The following IFFO1 variants were observed in gnomAD, a reference collection of about 807,000 sequenced individuals.
IFFO1 encodes intermediate filament family orphan 1, also known as non-homologous end joining factor IFFO1.
Under a neutral mutation model 59.6 loss-of-function variants are expected in IFFO1, and 42 were observed. The ratio of observed to expected loss-of-function variants is 0.70; its 90% CI spans 0.55 to 0.91. The LOEUF (loss-of-function observed/expected upper bound fraction) is 0.91, where lower values mean the gene tolerates loss of function less well. Ranked by LOEUF, IFFO1 falls within the 40% of genes least tolerant of loss-of-function variation. The probability of loss-of-function intolerance (pLI) is 0.00; values close to 1 mark genes in which losing one functional copy is unlikely to be tolerated. For synonymous variants in IFFO1, 336 were observed against 342.8 expected, an observed-to-expected ratio of 0.98 and a Z score of 0.22; for missense variants, 711 against 793.2, an observed-to-expected ratio of 0.90 and a Z score of 1.24.
At chr12:6,544,512 C>T (rs1333010528) in intron 8 of IFFO1, among the ~76,000 whole-genome samples, 11 of 152,164 alleles carry the variant, frequency 7.2e-5, no homozygotes, top group Admixed American at 4.6e-4. Flanking sequence ...ATATTATTTT[C>T]GTTCTTTCAG....
Position 6,549,027 on chromosome 12 carries a change from C to A in IFFO1, c.1081-178G>T. 3 of 617,362 alleles carry A rather than the reference C, an allele frequency of 4.9e-6. No individual in the cohort carries two copies. The highest frequency in any genetic ancestry group is 1.9e-5 in the African/African-American group (1 of 54,018). The allele number at this position is 617,362 out of a possible 1,614,324, so 38.2% of individuals were successfully genotyped here. A position where few individuals can be genotyped will look rare whatever the true frequency, so the allele number is the denominator to read the frequency against. ...CAGTCACCAAGGGCCAGACACACAG[C>A]GGGGGTCAGGGCTGCAAACCGAGAA... On this transcript the variant is annotated intron_variant, in intron 5 of 9. Transcript: ENST00000619571. This position sits in a 1 kb window ranked among gnomAD's most constrained non-coding sequence, Gnocchi z 5.0.
At position 6,541,693 on chromosome 12, in the gene IFFO1, G is replaced by A. The variant is rs778596743; in HGVS notation, c.1480-51C>T. ...GGGGTTAACAGGTGGCGTTCACAGC[G>A]CCTCTGTTGCCCCCGCCAGGAGGCC... On this transcript the variant is annotated intron_variant, in intron 8 of 9. Coordinates refer to ENST00000619571, the MANE Select transcript of IFFO1 (RefSeq NM_001193457.2). This position sits in a 1 kb window ranked among gnomAD's most constrained non-coding sequence, Gnocchi z 4.8. The A allele has an allele frequency of 4.3e-5, 69 of 1,607,340 alleles. 1 individual carries two copies. The highest frequency in any genetic ancestry group is 3.1e-4 in the South Asian group (28 of 90,904).
At chr12:6,546,340 C>A (rs191272058) in intron 8 of IFFO1, among the ~76,000 whole-genome samples, 12 of 152,312 alleles carry the variant, frequency 7.9e-5, no homozygotes, top group Admixed American at 2.6e-4. Context: ...GAGGCTGAGA[C>A]GCAGAGAAGG....
Position 6,541,093 on chromosome 12 carries a change from C to T in IFFO1, c.1610+419G>A, listed in dbSNP as rs1367641157. On this transcript the variant is annotated intron_variant, in intron 9 of 9. Coordinates refer to ENST00000619571, the MANE Select transcript of IFFO1 (RefSeq NM_001193457.2). This position sits in a 1 kb window ranked among gnomAD's most constrained non-coding sequence, Gnocchi z 4.8. ...CTGCTGAGCCTCCAGCACCCTGACT[C>T]TAGGGCCTTGGCTTTATGTCTATCT... 7.3e-5 allele frequency among the ~76,000 whole-genome samples: 11 copies of T among 151,442 alleles called. No individual in the cohort carries two copies. The highest frequency in any genetic ancestry group is 2.2e-4 in the African/African-American group (9 of 41,278).
chr12:6,549,415 G>T lies in IFFO1; in HGVS notation c.1080+61C>A, dbSNP rs967385848. 6.2e-7 allele frequency: 1 copy of T among 1,602,416 alleles called. No individual in the cohort carries two copies. The highest frequency in any genetic ancestry group is 1.3e-5 in the African/African-American group (1 of 74,782). ...GCGGGCCCAAACTGAGGGCCAGGAG[G>T]CCTAGGCAGCTTAGAAACTGGGACT... On this transcript the variant is annotated intron_variant, in intron 5 of 9. Transcript: ENST00000619571. The surrounding 1 kb of genome is among the most constrained non-coding windows in gnomAD (Gnocchi z 5.0).
intron 1 of IFFO1, among the ~76,000 whole-genome samples, chr12:6,553,319 G>A (rs146094919): frequency 0.018 from 2,701 of 151,166 alleles, 47 homozygotes; most frequent in Non-Finnish European, 0.025. Flanking sequence ...AAGGACAAAC[G>A]CTCCTTCAGT....
rs748888829 is a variant in IFFO1 at position 6,548,810 on chromosome 12, C to A, written c.1120G>T (p.Gly374Trp). Residue 374 changes from glycine to tryptophan, a missense_variant, in exon 6 of 10, where the codon GGG becomes TGG. Transcript: ENST00000619571. This position sits in a 1 kb window ranked among gnomAD's most constrained non-coding sequence, Gnocchi z 6.1. Reference protein sequence around the residue: ...LSPIKVPSMGGRKRERKAAVE... With the variant: ...LSPIKVPSMGWRKRERKAAVE... ...GCAGCCTTGCGCTCCCGCTTCCGCC[C>A]CCCCATGGATGGGACCTTAATGGGA... The A allele has an allele frequency of 1.2e-6, 2 of 1,613,052 alleles. No homozygotes were observed. Among genetic ancestry groups the A allele is most frequent in the East Asian group, 2.2e-5 (1 of 44,862 alleles).
At chr12:6,544,340 T>G (rs1321190051) in intron 8 of IFFO1, among the ~76,000 whole-genome samples, 1 of 152,014 alleles carries the variant, frequency 6.6e-6, no homozygotes, top group Non-Finnish European at 1.5e-5. Flanking sequence ...CTACTTTTTG[T>G]ATTTTTAGTA....
intron 8 of IFFO1, among the ~76,000 whole-genome samples, chr12:6,545,258 A>G (rs1946900284): frequency 6.6e-6 from 1 of 151,478 alleles, no homozygotes; most frequent in Non-Finnish European, 1.5e-5. Context: ...GAATAAAGTC[A>G]CTCTCTCCTT....
rs1315864689 is a variant in IFFO1, at chr12:6,549,310, G to A, written c.1080+166C>T. The A allele has an allele frequency of 1.5e-6, 1 of 686,026 alleles. No homozygotes were observed. Among genetic ancestry groups the A allele is most frequent in the Non-Finnish European group, 2.6e-6 (1 of 387,866 alleles). 42.5% of individuals were successfully genotyped at this position (686,026 alleles called of 1,614,324 possible). A position where few individuals can be genotyped will look rare whatever the true frequency, so the allele number is the denominator to read the frequency against. ...AAGGGAGAGAAAGAAATGCAGTCAA[G>A]AGAACAAGAGATAGAGAGAAAAAGG... On this transcript the variant is annotated intron_variant, in intron 5 of 9. Coordinates refer to ENST00000619571, the MANE Select transcript of IFFO1 (RefSeq NM_001193457.2). This position sits in a 1 kb window ranked among gnomAD's most constrained non-coding sequence, Gnocchi z 5.0.
chr12:6,551,223 T>C (rs1247449199), intron 1 of IFFO1, among the ~76,000 whole-genome samples: 1 of 152,180 alleles, frequency 6.6e-6, no homozygotes, highest in Non-Finnish European at 1.5e-5. Flanking sequence ...GCCAGCTGCC[T>C]TCCCGGAACC....
chr12:6,545,209 C>T (rs756106230), intron 8 of IFFO1, among the ~76,000 whole-genome samples: 4 of 151,630 alleles, frequency 2.6e-5, no homozygotes, highest in East Asian at 1.9e-4. Flanking sequence ...AGCGAGACTA[C>T]GTCTCAAAAA....
chr12:6,550,056 G>A, intron 3 of IFFO1, 160 bp from the exon 4 acceptor site: 2 of 751,566 alleles, frequency 2.7e-6, no homozygotes, highest in East Asian at 2.7e-5. Flanking sequence ...GGTAGCGGTG[G>A]CCTCCCCACA....
chr12:6,543,093 G>A (rs1478201452), intron 8 of IFFO1, among the ~76,000 whole-genome samples: 4 of 152,172 alleles, frequency 2.6e-5, no homozygotes, highest in African/African-American at 9.7e-5. Flanking sequence ...TGGGACGGGA[G>A]GAGACAGAGA....
intron 8 of IFFO1, among the ~76,000 whole-genome samples, chr12:6,544,122 T>G (rs1319021326): frequency 2.6e-5 from 4 of 151,900 alleles, no homozygotes; most frequent in Non-Finnish European, 4.4e-5. Context: ...CTGCCTAAAG[T>G]CATTGCACTG....
intron 1 of IFFO1, chr12:6,551,655 C>T (rs1451750235): frequency 2.4e-6 from 1 of 421,680 alleles, no homozygotes; most frequent in Non-Finnish European, 4.7e-6. Flanking sequence ...GGCCGGAAGT[C>T]CCACAGCAGC....
chr12:6,555,386 T>A lies in IFFO1; in HGVS notation c.644A>T (p.Gln215Leu). The change falls in exon 1 of 10, where the codon CAA becomes CTA. Residue 215 changes from glutamine (Q) to leucine (L), a missense_variant. Gln to Leu is a moderately radical substitution (Grantham distance 113). This residue lies in a region of IFFO1 where 579 missense variants were observed against 650.3 expected (regional missense o/e 0.89). Transcript: ENST00000619571. This position sits in a 1 kb window ranked among gnomAD's most constrained non-coding sequence, Gnocchi z 8.6. Reference sequence around the variant, plus strand: ...GTGCACCCACGACAAGCCAGGCCCTTGCACCAGAGTGGGCTCCAGTCCCGG... The same window carrying A: ...GTGCACCCACGACAAGCCAGGCCCTAGCACCAGAGTGGGCTCCAGTCCCGG... Reference protein sequence around the residue: ...LGPGLEPTLVQGPGLSWVHPD... With the variant: ...LGPGLEPTLVLGPGLSWVHPD... 6.2e-7 allele frequency: 1 copy of A among 1,614,096 alleles called. No individual in the cohort carries two copies.
rs2136150970 is a variant in IFFO1 at position 6,555,214 on chromosome 12, T to C, written c.773+43A>G. The C allele has an allele frequency of 6.3e-7, 1 of 1,594,738 alleles. No individual in the cohort carries two copies. The highest frequency in any genetic ancestry group is 8.6e-7 in the Non-Finnish European group (1 of 1,163,370). ...ACACCAACTCGCGGCCCGTTGTGAG[T>C]GGTATGACACAGAGAGACCTGTCCC... On this transcript the variant is annotated intron_variant, in intron 1 of 9. Coordinates refer to ENST00000619571, the MANE Select transcript of IFFO1 (RefSeq NM_001193457.2). This position sits in a 1 kb window ranked among gnomAD's most constrained non-coding sequence, Gnocchi z 8.6.
rs773208565 is a variant in IFFO1 at position 6,550,722 on chromosome 12, C to G, written c.903G>C (p.Leu301=). The change falls in exon 3 of 10, where the codon CTG becomes CTC. Residue 301 remains leucine, a synonymous_variant. Coordinates refer to ENST00000619571, the MANE Select transcript of IFFO1 (RefSeq NM_001193457.2). ...TACTCATGAGCCCCTTGAAGACCAC[C>G]AGCTCAGCCTTCAACTGTTCCACCT... ...ALKVEQLKAE[L]VVFKGLMSNN... 5 of 1,614,160 alleles carry G rather than the reference C, an allele frequency of 3.1e-6. No individual in the cohort carries two copies. Among genetic ancestry groups the G allele is most frequent in the Non-Finnish European group, 4.2e-6 (5 of 1,179,950 alleles).
Sources: gnomAD v4.1 joint callset for allele counts (sites outside exome capture counted in the v4.1 genomes callset) on GRCh38, gnomAD v4.1.1 for gene constraint, gnomAD v4.1.1 regional missense constraint, Gnocchi (gnomAD v3.1) non-coding constraint, MANE v1.5 for transcripts, NCBI Gene and HGNC (gene_info 2026-07-23, HGNC 2026-07-21) for gene names.